Variants in RPN2 observed in about 807,000 individuals in gnomAD.
RPN2 encodes ribophorin II.
A neutral mutation model predicts 71.4 loss-of-function variants in RPN2; 29 were observed. That is an observed-to-expected ratio of 0.41 (90% CI 0.30 to 0.55). The LOEUF is 0.55. Among genes scored for constraint, RPN2 ranks in the 20% least tolerant of loss-of-function variants. RPN2 has a pLI of 0.35. For synonymous variants in RPN2, 308 were observed against 305.0 expected, an observed-to-expected ratio of 1.01 and a Z score of -0.10; for missense variants, 726 against 774.1, an observed-to-expected ratio of 0.94 and a Z score of 0.74.
chr20:37,181,668 C>T (rs772736260), intron 1 of RPN2, among the ~76,000 whole-genome samples: 2 of 152,192 alleles, frequency 1.3e-5, no homozygotes, highest in Non-Finnish European at 2.9e-5. Context: ...ATCCCCCTGC[C>T]TTGGCCTCCC....
intron 4 of RPN2, chr20:37,200,462 C>T (rs772285429): frequency 7.5e-6 from 4 of 532,694 alleles, no homozygotes; most frequent in East Asian, 1.1e-4. Context: ...TGTGGAGCAC[C>T]GTTCTGGAAT....
At chr20:37,216,079 C>T (rs566978099) in intron 9 of RPN2, among the ~76,000 whole-genome samples, 7 of 152,272 alleles carry the variant, frequency 4.6e-5, no homozygotes, top group Admixed American at 4.6e-4. Context: ...TGGCTCACAC[C>T]TGTAATCCCA....
chr20:37,230,232 T>A (rs1259615606), intron 13 of RPN2, among the ~76,000 whole-genome samples, 173 bp downstream of exon 13: 1 of 152,150 alleles, frequency 6.6e-6, no homozygotes, highest in Non-Finnish European at 1.5e-5. Context: ...GAAAACAGGT[T>A]TAAAGAGTCC....
chr20:37,227,108 T>TCTCCTCC (rs2068095973), intron 11 of RPN2, among the ~76,000 whole-genome samples: 2 of 152,300 alleles, frequency 1.3e-5, no homozygotes, highest in African/African-American at 4.8e-5. Context: ...TCTGCTCCTC[T>TCTCCTCC]CTCCTCCCTA....
intron 2 of RPN2, among the ~76,000 whole-genome samples, chr20:37,189,209 A>G (rs563130517): frequency 3.9e-4 from 59 of 152,284 alleles, no homozygotes; most frequent in Admixed American, 1.6e-3. Context: ...TGCTGGGATT[A>G]TAGGTGTGAG....
At chr20:37,202,371 A>G (rs1023091098) in intron 4 of RPN2, among the ~76,000 whole-genome samples, 1 of 152,224 alleles carries the variant, frequency 6.6e-6, no homozygotes, top group African/African-American at 2.4e-5. Context: ...TCTTAATGGA[A>G]TGAGTTTCCC....
chr20:37,213,734 G>A, intron 8 of RPN2, 26 bp from the exon 9 acceptor site: 7 of 1,551,516 alleles, frequency 4.5e-6, no homozygotes, highest in South Asian at 1.1e-5. Context: ...CTGAGTTCTT[G>A]CTAAGCCCAT....
intron 4 of RPN2, among the ~76,000 whole-genome samples, chr20:37,201,885 G>C (rs1392201051): frequency 6.6e-6 from 1 of 152,188 alleles, no homozygotes; most frequent in East Asian, 1.9e-4. Context: ...TTGTAGATTT[G>C]AATGAACCAC....
intron 5 of RPN2, 43 bp from the exon 6 acceptor site, chr20:37,204,724 G>T (rs2067471078): frequency 6.2e-7 from 1 of 1,613,206 alleles, no homozygotes; most frequent in Admixed American, 1.7e-5. Context: ...TCTCATTTCT[G>T]CTGTTACTTG....
intron 9 of RPN2, among the ~76,000 whole-genome samples, chr20:37,220,923 C>G (rs2067938904): frequency 1.3e-5 from 2 of 152,164 alleles, no homozygotes; most frequent in African/African-American, 2.4e-5. Context: ...ACAATGAAAG[C>G]TGTAACTTAG....
intron 7 of RPN2, among the ~76,000 whole-genome samples, chr20:37,208,279 A>C (rs2067565467): frequency 6.6e-6 from 1 of 152,144 alleles, no homozygotes. Context: ...AAAAAAAAAA[A>C]AAAAAAATAC....
Position 37,184,265 on chromosome 20 carries a change from C to G in RPN2, c.99C>G (p.Asp33Glu). ...LTPTHYLTKH[D>E]VERLKASLDR... ...CCACTCACTACCTCACCAAGCATGA[C>G]GTGGAGAGACTAAAAGCCTCGCTGG... is the stretch of plus-strand genomic sequence containing the variant. Residue 33 changes from aspartate (D) to glutamate (E), a missense_variant, in exon 2 of 17, where the codon GAC (aspartate) becomes GAG (glutamate). Transcript: ENST00000237530. 1 of 1,614,168 alleles carries G rather than the reference C, an allele frequency of 6.2e-7. No individual in the cohort carries two copies.
chr20:37,192,927 A>C (rs564207638), intron 2 of RPN2, among the ~76,000 whole-genome samples: 4 of 152,100 alleles, frequency 2.6e-5, no homozygotes, highest in African/African-American at 9.6e-5. Context: ...AGGAGTCTGA[A>C]ACCAGCCTGG....
intron 9 of RPN2, among the ~76,000 whole-genome samples, chr20:37,217,439 C>T (rs182235187): frequency 7.8e-4 from 118 of 150,602 alleles, no homozygotes; most frequent in African/African-American, 2.3e-3. Flanking sequence ...GCTACAGGCA[C>T]GCGCCACCAT....
chr20:37,220,053 A>G (rs1392967035), intron 9 of RPN2, among the ~76,000 whole-genome samples: 1 of 152,208 alleles, frequency 6.6e-6, no homozygotes, highest in East Asian at 1.9e-4. Context: ...AGAAATGGCT[A>G]ATAGCTCTTG....
At position 37,210,607 on chromosome 20, in the gene RPN2, C is replaced by T. The variant is rs552987123; in HGVS notation, c.986+442C>T. On this transcript the variant is annotated intron_variant, in intron 8 of 16. Transcript: ENST00000237530. ...GTGCAATGGTGCAATCTCAGCTCAC[C>T]GCAACGTCTGCCTCCTGGATTCTAG... Among the ~76,000 whole-genome samples the T allele has an allele frequency of 1.1e-4, 16 of 151,070 alleles. 1 individual carries two copies. Among genetic ancestry groups the T allele is most frequent in the South Asian group, 8.4e-4 (4 of 4,788 alleles).
intron 1 of RPN2, among the ~76,000 whole-genome samples, chr20:37,180,804 C>T (rs549018301): frequency 3.9e-5 from 6 of 152,270 alleles, no homozygotes; most frequent in African/African-American, 1.2e-4. Flanking sequence ...TGGATTATGG[C>T]GGTAGTCTCC....
At chr20:37,223,075 T>C (rs1361731014) in intron 9 of RPN2, among the ~76,000 whole-genome samples, 1 of 152,216 alleles carries the variant, frequency 6.6e-6, no homozygotes. Context: ...GGACCCTGGC[T>C]GAAGGAGCAA....
At chr20:37,229,052 A>T (rs2068162193) in intron 12 of RPN2, among the ~76,000 whole-genome samples, 1 of 152,226 alleles carries the variant, frequency 6.6e-6, no homozygotes, top group South Asian at 2.1e-4. Context: ...AGCAGGCACT[A>T]TTGGGGTTAC....
Sources: allele counts gnomAD v4.1 joint callset (sites outside exome capture counted in the v4.1 genomes callset), GRCh38; gene constraint gnomAD v4.1.1; transcripts MANE v1.5; gene names NCBI Gene and HGNC (gene_info 2026-07-23, HGNC 2026-07-21).